CD2BP2: variants seen among roughly 807,000 people sequenced by gnomAD.
The protein encoded by CD2BP2 is CD2 antigen cytoplasmic tail-binding protein 2.
CD2BP2 carries 27 observed loss-of-function variants against 35.9 expected under a neutral mutation model. That is an observed-to-expected ratio of 0.75 (90% confidence interval 0.55 to 1.04). The LOEUF (loss-of-function observed/expected upper bound fraction) is 1.04, where lower values mean the gene tolerates loss of function less well. Among genes scored for constraint, CD2BP2 ranks in the 50% least tolerant of loss-of-function variants. The pLI is 0.00. For synonymous variants in CD2BP2, 213 were observed against 173.5 expected (o/e 1.23, Z -1.79); for missense variants, 497 against 444.3 (o/e 1.12, Z -1.07).
chr16:30,353,965 T>C lies in CD2BP2; in HGVS notation c.311A>G (p.Asp104Gly), dbSNP rs2049510006. The change falls in exon 4 of 7, where the codon GAT becomes GGT. Residue 104 changes from aspartate (D) to glycine (G), a missense_variant. Asp to Gly is a moderately conservative substitution (Grantham distance 94). Coordinates refer to ENST00000305596, the MANE Select transcript of CD2BP2 (RefSeq NM_006110.3). Reference protein sequence around the residue: ...EEMEEGHFDADGNYFLNRDAQ... With the variant: ...EEMEEGHFDAGGNYFLNRDAQ... ...ATCCCGGTTCAGGAAGTAGTTGCCA[T>C]CGGCATCAAAGTGGCCTTCCTCCAT... 3 of 1,614,032 alleles carry C rather than the reference T, an allele frequency of 1.9e-6. No homozygotes were observed.
At position 30,354,198 on chromosome 16, in the gene CD2BP2, G is replaced by A. The variant is rs140342036; in HGVS notation, c.203C>T (p.Ser68Leu). The A allele has an allele frequency of 5.8e-5, 94 of 1,614,046 alleles. No homozygotes were observed. The African/African-American group carries it at 1.2e-3, about 21-fold the overall frequency. The part of the protein sequence containing the change: ...GGSSKYDILA[S>L]EDVEGQEAAT... The stretch of plus-strand genomic sequence containing the variant: ...GTACAGCTTACCTTCTACATCCTCT[G>A]AGGCCAAGATGTCATATTTGCTGGA... Residue 68 changes from serine to leucine, a missense_variant, in exon 3 of 7, where the codon TCA becomes TTA. By Grantham distance (145) the Ser-to-Leu change is moderately radical. Coordinates refer to ENST00000305596, the MANE Select transcript of CD2BP2 (RefSeq NM_006110.3).
chr16:30,354,469 C>G, intron 2 of CD2BP2, 135 bp downstream of exon 2: 1 of 1,347,506 alleles, frequency 7.4e-7, no homozygotes, highest in South Asian at 1.3e-5. Context: ...AAGACGCTCC[C>G]AACCCATTCC....
At chr16:30,354,161 G>A (rs375601256) in intron 3 of CD2BP2, 23 bp downstream of exon 3, 2 of 1,613,690 alleles carry the variant, frequency 1.2e-6, no homozygotes, top group African/African-American at 2.7e-5. Flanking sequence ...TTCCAGCAGA[G>A]TGTATTCTTG....
intron 1 of CD2BP2, 39 bp from the exon 2 acceptor site, chr16:30,354,746 G>C: frequency 7.1e-7 from 1 of 1,400,020 alleles, no homozygotes; most frequent in Non-Finnish European, 1.0e-6. Context: ...CGGGTGAGGA[G>C]GGGACTCGCC....
rs1451843923 is a variant in CD2BP2, at chr16:30,351,582, C to T, written c.*1403G>A. On this transcript the variant is annotated 3_prime_UTR_variant, in exon 7 of 7. Transcript: ENST00000305596. ...GCCTCACAAGAGTGTCAGGTGACCC[C>T]ACTCCGCCCTGGCCCCCAAGTCTTT... is the stretch of plus-strand genomic sequence containing the variant. 6.6e-6 allele frequency: 1 copy of T among 152,288 alleles called. No homozygotes were observed. The highest frequency in any genetic ancestry group is 1.5e-5 in the Non-Finnish European group (1 of 68,160). 9.4% of individuals were successfully genotyped at this position (152,288 alleles called of 1,614,324 possible). A position where few individuals can be genotyped will look rare whatever the true frequency, so the allele number is the denominator to read the frequency against.
intron 1 of CD2BP2, 67 bp from the exon 2 acceptor site, chr16:30,354,774 A>C: frequency 2.7e-6 from 3 of 1,110,394 alleles, no homozygotes; most frequent in Non-Finnish European, 4.2e-6. Flanking sequence ...GCAGCACAGC[A>C]AACATTTTTC....
chr16:30,354,426 A>G (rs2049516216), intron 2 of CD2BP2, 104 bp from the exon 3 acceptor site: 3 of 1,434,626 alleles, frequency 2.1e-6, no homozygotes, highest in Non-Finnish European at 1.9e-6. Context: ...CAGGATCTCG[A>G]CTACTTCCCC....
chr16:30,353,944 C>G lies in CD2BP2; in HGVS notation c.332G>C (p.Arg111Pro). 2 of 1,614,146 alleles carry G rather than the reference C, an allele frequency of 1.2e-6. No homozygotes were observed. Among genetic ancestry groups the G allele is most frequent in the Non-Finnish European group, 8.5e-7 (1 of 1,180,034 alleles). Reference sequence around the variant, plus strand: ...CCAGCTGTCTCGGATCTGAGCATCCCGGTTCAGGAAGTAGTTGCCATCGGC... The same window carrying G: ...CCAGCTGTCTCGGATCTGAGCATCCGGGTTCAGGAAGTAGTTGCCATCGGC... ...FDADGNYFLNRDAQIRDSWLD... is the reference protein window; with the variant it reads ...FDADGNYFLNPDAQIRDSWLD... The change falls in exon 4 of 7, where the codon CGG (arginine) becomes CCG (proline). Residue 111 changes from arginine to proline, a missense_variant. Arg to Pro is a moderately radical substitution (Grantham distance 103, BLOSUM62 -2). Coordinates refer to ENST00000305596, the MANE Select transcript of CD2BP2 (RefSeq NM_006110.3).
At position 30,354,727 on chromosome 16, in the gene CD2BP2, G is replaced by A. The variant is rs1567408135; in HGVS notation, c.-26-20C>T. 1.9e-6 allele frequency: 3 copies of A among 1,561,588 alleles called. No homozygotes were observed. The highest frequency in any genetic ancestry group is 1.4e-5 in the African/African-American group (1 of 74,046). ...CTCAAGCTGAGGAAAGGATGCAGAG[G>A]AAGGGAACCGGGTGAGGAGGGGACT... On this transcript the variant is annotated intron_variant, in intron 1 of 6. Coordinates refer to ENST00000305596, the MANE Select transcript of CD2BP2 (RefSeq NM_006110.3).
In CD2BP2 at chr16:30,354,262, A is replaced by C; in HGVS notation, c.139T>G (p.Leu47Val). The change falls in exon 3 of 7, where the codon TTG (leucine) becomes GTG (valine). Residue 47 changes from leucine (L) to valine (V), a missense_variant. By Grantham distance (32) the Leu-to-Val change is conservative. Coordinates refer to ENST00000305596, the MANE Select transcript of CD2BP2 (RefSeq NM_006110.3). ...PGSRFKGKHS[L>V]DSDEEEDDDD... ...TCATCCTCCTCCTCATCGCTATCCAAAGAGTGTTTGCCTTTAAAGCGGCTC... is the reference window on the plus strand; with the variant it reads ...TCATCCTCCTCCTCATCGCTATCCACAGAGTGTTTGCCTTTAAAGCGGCTC... The C allele has an allele frequency of 1.2e-6, 2 of 1,613,756 alleles. No homozygotes were observed. Among genetic ancestry groups the C allele is most frequent in the East Asian group, 4.5e-5 (2 of 44,848 alleles).
chr16:30,355,040 T>G (rs901072489), intron 1 of CD2BP2, 172 bp downstream of exon 1: 1 of 280,246 alleles, frequency 3.6e-6, no homozygotes, highest in Non-Finnish European at 7.0e-6. Flanking sequence ...CTCTCTACCC[T>G]GGCTCTCTCG....
chr16:30,350,998 G>GT lies in CD2BP2; in HGVS notation c.*1986dup, dbSNP rs1252006075. The GT allele has an allele frequency of 6.6e-6, 1 of 152,566 alleles. No homozygotes were observed. Among genetic ancestry groups the GT allele is most frequent in the Non-Finnish European group, 1.5e-5 (1 of 68,030 alleles). 9.5% of individuals were successfully genotyped at this position (152,566 alleles called of 1,614,324 possible). On this transcript the variant is annotated 3_prime_UTR_variant, in exon 7 of 7. Coordinates refer to ENST00000305596, the MANE Select transcript of CD2BP2 (RefSeq NM_006110.3). The stretch of plus-strand genomic sequence containing the variant: ...TTCCTTGCTTCATGCGCAGACCCTC[G>GT]TGACTCCCCTTCCCTTATAAGGGCC...
At position 30,354,213 on chromosome 16, in the gene CD2BP2, T is replaced by C. The variant is rs778639361; in HGVS notation, c.188A>G (p.Tyr63Cys). 3 of 1,614,072 alleles carry C rather than the reference T, an allele frequency of 1.9e-6. No individual in the cohort carries two copies. The East Asian group carries it at 6.7e-5, about 36-fold the overall frequency. ...EDDDDGGSSK[Y>C]DILASEDVEG... ...TACATCCTCTGAGGCCAAGATGTCA[T>C]ATTTGCTGGACCCCCCATCATCATC... Residue 63 changes from tyrosine (Y) to cysteine (C), a missense_variant, in exon 3 of 7, where the codon TAT (tyrosine) becomes TGT (cysteine). Transcript: ENST00000305596.
In CD2BP2 at chr16:30,353,541, C is replaced by T. The variant is rs184258192; in HGVS notation, c.635G>A (p.Arg212Gln). Residue 212 changes from arginine to glutamine, a missense_variant, in exon 5 of 7, where the codon CGG becomes CAG. Transcript: ENST00000305596. ...TTCCTGGTACACACCAAGGTTGCCC[C>T]GGGCCACCATCTGGTCGGCCAACCC... is the stretch of plus-strand genomic sequence containing the variant. ...LSGLADQMVA[R>Q]GNLGVYQETR... 8.7e-6 allele frequency: 14 copies of T among 1,614,194 alleles called. No homozygotes were observed. The highest frequency in any genetic ancestry group is 6.7e-5 in the East Asian group (3 of 44,888).
chr16:30,354,407 C>G (rs2049516065), intron 2 of CD2BP2, 85 bp from the exon 3 acceptor site: 10 of 1,482,550 alleles, frequency 6.7e-6, no homozygotes, highest in Non-Finnish European at 8.3e-6. Flanking sequence ...AAATATTCCC[C>G]AAATATTTCA....
At position 30,353,355 on chromosome 16, in the gene CD2BP2, C is replaced by T. The variant is rs2049500602; in HGVS notation, c.808+13G>A. ...TCCTACCCACTGCCCCCTCCTCTGT[C>T]CTCCAAGCTCACCTCCTCTCTGGGT... On this transcript the variant is annotated intron_variant, in intron 5 of 6. Transcript: ENST00000305596. 6.2e-7 allele frequency: 1 copy of T among 1,613,788 alleles called. No individual in the cohort carries two copies. Among genetic ancestry groups the T allele is most frequent in the Non-Finnish European group, 8.5e-7 (1 of 1,179,704 alleles).
chr16:30,353,018 G>A lies in CD2BP2; in HGVS notation c.993C>T (p.Asn331=), dbSNP rs370608616. The A allele has an allele frequency of 3.1e-6, 5 of 1,613,708 alleles. No homozygotes were observed. The African/African-American group carries it at 6.7e-5, about 22-fold the overall frequency. Residue 331 remains asparagine, a synonymous_variant, in exon 7 of 7, where the codon AAC becomes AAT. Transcript: ENST00000305596. ...AGAGGTCAAAGTCAATGCGTTTGGA[G>A]TTGTAGAACTGACCACCAGGGGGGT... is the stretch of plus-strand genomic sequence containing the variant. ...KLDPPGGQFY[N]SKRIDFDLYT
At position 30,353,683 on chromosome 16, in the gene CD2BP2, G is replaced by T. The variant is rs200806192; in HGVS notation, c.493C>A (p.Leu165Ile). Residue 165 changes from leucine (L) to isoleucine (I), a missense_variant, in exon 5 of 7, where the codon CTA becomes ATA. Coordinates refer to ENST00000305596, the MANE Select transcript of CD2BP2 (RefSeq NM_006110.3). ...QALLEGLLEL[L>I]LPRETVAGAL... ...CCAGCCACTGTCTCTCTAGGCAATA[G>T]GAGCTCCAAAAGTCCCTCCAAGAGG... The T allele has an allele frequency of 3.3e-5, 54 of 1,613,714 alleles. No homozygotes were observed. Among genetic ancestry groups the T allele is most frequent in the African/African-American group, 8.0e-5 (6 of 74,924 alleles).
In CD2BP2 at chr16:30,353,996, C is replaced by G; in HGVS notation, c.280G>C (p.Glu94Gln). The G allele has an allele frequency of 6.2e-7, 1 of 1,614,200 alleles. No homozygotes were observed. Among genetic ancestry groups the G allele is most frequent in the Non-Finnish European group, 8.5e-7 (1 of 1,180,038 alleles). The change falls in exon 4 of 7, where the codon GAG becomes CAG. Residue 94 changes from glutamate to glutamine, a missense_variant. By Grantham distance (29) the Glu-to-Gln change is conservative. Transcript: ENST00000305596. The stretch of plus-strand genomic sequence containing the variant: ...TCAAAGTGGCCTTCCTCCATCTCCT[C>G]CTGCAGGTTAAAGGGTGTGATCCGA... ...GVRITPFNLQ[E>Q]EMEEGHFDAD... is the part of the protein sequence containing the mutation.
Sources: allele counts gnomAD v4.1 joint callset, GRCh38; gene constraint gnomAD v4.1.1; transcripts MANE v1.5; gene names NCBI Gene and HGNC (gene_info 2026-07-23, HGNC 2026-07-21).